RNF214: variants seen among roughly 807,000 people sequenced by gnomAD.
RNF214 encodes the protein ring finger protein 214.
A neutral mutation model predicts 75.9 loss-of-function variants in RNF214; 25 were observed. The ratio of observed to expected loss-of-function variants is 0.33; its 90% CI spans 0.24 to 0.46. The LOEUF (loss-of-function observed/expected upper bound fraction) is 0.46. Ranked by LOEUF, RNF214 falls within the 20% of genes least tolerant of loss-of-function variation. The pLI is 1.00. For missense variants in RNF214, 725 were observed against 857.5 expected, an observed-to-expected ratio of 0.85 and a Z score of 1.93; for synonymous variants, 314 against 308.8, an observed-to-expected ratio of 1.02 and a Z score of -0.18.
chr11:117,261,884 C>T (rs913017553), intron 6 of RNF214, among the ~76,000 whole-genome samples: 6 of 151,512 alleles, frequency 4.0e-5, no homozygotes, highest in Non-Finnish European at 8.8e-5. Flanking sequence ...GACCTCAAGC[C>T]GTCTGCCTGG....
At chr11:117,256,649 T>C (rs2033533766) in intron 6 of RNF214, among the ~76,000 whole-genome samples, 1 of 152,028 alleles carries the variant, frequency 6.6e-6, no homozygotes, top group South Asian at 2.1e-4. Context: ...AGCCCAGAGC[T>C]CTGAGTTCCA....
chr11:117,244,606 T>G (rs1284771604), intron 5 of RNF214, 21 bp downstream of exon 5: 20 of 1,578,196 alleles, frequency 1.3e-5, no homozygotes, highest in Non-Finnish European at 1.6e-5. Context: ...TATATTGAAA[T>G]TGTCAATGAG....
rs139503238 is a variant in RNF214 at position 117,234,318 on chromosome 11, C to T, written c.46C>T (p.Pro16Ser). ...TGGTGTTGTGGCCAATGCCCCCAGT[C>T]CTCCGGAATCTTCTAGTTTATGTGC... ...VAGVVANAPS[P>S]PESSSLCASK... The change falls in exon 2 of 15, where the codon CCT (proline) becomes TCT (serine). Residue 16 changes from proline (P) to serine (S), a missense_variant. By Grantham distance (74) the Pro-to-Ser change is moderately conservative. Transcript: ENST00000300650. 4,582 of 1,614,174 alleles carry T rather than the reference C, an allele frequency of 2.8e-3. 11 individuals carry two copies. Among genetic ancestry groups the T allele is most frequent in the Non-Finnish European group, 3.6e-3 (4,302 of 1,179,992 alleles).
chr11:117,282,294 C>T, intron 11 of RNF214, 24 bp downstream of exon 11: 1 of 1,579,596 alleles, frequency 6.3e-7, no homozygotes, highest in Admixed American at 1.8e-5. Context: ...AGGACTGATT[C>T]AGATGTCTCT....
At chr11:117,256,886 A>G (rs1330115791) in intron 6 of RNF214, among the ~76,000 whole-genome samples, 1 of 152,218 alleles carries the variant, frequency 6.6e-6, no homozygotes, top group Admixed American at 6.5e-5. Context: ...CTTAGTATAT[A>G]GTAATATCTT....
At chr11:117,252,670 G>C (rs1001390391) in intron 6 of RNF214, among the ~76,000 whole-genome samples, 2 of 151,246 alleles carry the variant, frequency 1.3e-5, no homozygotes, top group African/African-American at 4.9e-5. Flanking sequence ...ACATGTGCCT[G>C]CCACCACGCC....
intron 6 of RNF214, among the ~76,000 whole-genome samples, chr11:117,272,244 C>G (rs2033927155): frequency 6.6e-6 from 1 of 152,154 alleles, no homozygotes; most frequent in African/African-American, 2.4e-5. Context: ...AACCACCAAC[C>G]ACCACCTTGA....
At chr11:117,277,904 G>T (rs2034045586) in intron 6 of RNF214, among the ~76,000 whole-genome samples, 1 of 151,838 alleles carries the variant, frequency 6.6e-6, no homozygotes, top group African/African-American at 2.4e-5. Context: ...AACCTGAGAG[G>T]TGGAGGCTGC....
chr11:117,248,098 C>A (rs566363763), intron 6 of RNF214, among the ~76,000 whole-genome samples: 1 of 151,828 alleles, frequency 6.6e-6, no homozygotes, highest in African/African-American at 2.4e-5. Flanking sequence ...TTTTTTGAGA[C>A]GGAGTCTTGC....
At chr11:117,248,012 T>G (rs566124966) in intron 6 of RNF214, among the ~76,000 whole-genome samples, 1 of 152,322 alleles carries the variant, frequency 6.6e-6, no homozygotes, top group South Asian at 2.1e-4. Flanking sequence ...TGTGTCCTTT[T>G]CTGGGTACTG....
intron 6 of RNF214, among the ~76,000 whole-genome samples, chr11:117,269,597 A>G (rs2033866002): frequency 6.6e-6 from 1 of 152,288 alleles, no homozygotes; most frequent in Admixed American, 6.5e-5. Context: ...ACCTGAGCTC[A>G]AGCAATCCAC....
At chr11:117,282,904 G>C in intron 13 of RNF214, 54 bp downstream of exon 13, 1 of 1,415,608 alleles carries the variant, frequency 7.1e-7, no homozygotes, top group Non-Finnish European at 1.0e-6. Flanking sequence ...AGGTGAGGAA[G>C]GAGTGGGTTT....
intron 6 of RNF214, among the ~76,000 whole-genome samples, chr11:117,278,204 T>A (rs926518015): frequency 6.6e-6 from 1 of 152,056 alleles, no homozygotes; most frequent in Non-Finnish European, 1.5e-5. Flanking sequence ...CTCGGGAGGC[T>A]GAGGCAGGAG....
chr11:117,242,354 G>A (rs2033103388), intron 4 of RNF214, among the ~76,000 whole-genome samples: 1 of 152,128 alleles, frequency 6.6e-6, no homozygotes, highest in African/African-American at 2.4e-5. Context: ...AGGGCATACG[G>A]AAAAAAGTTA....
intron 6 of RNF214, among the ~76,000 whole-genome samples, chr11:117,278,325 C>T (rs1321004420): frequency 6.6e-6 from 1 of 152,106 alleles, no homozygotes; most frequent in African/African-American, 2.4e-5. Flanking sequence ...AAACATGTAA[C>T]TCTTCCCAAG....
intron 2 of RNF214, among the ~76,000 whole-genome samples, chr11:117,236,104 G>C (rs1460027642): frequency 6.6e-6 from 1 of 151,608 alleles, no homozygotes; most frequent in East Asian, 1.9e-4. Context: ...GGGATTATAG[G>C]CACCTGCTTG....
At chr11:117,271,192 G>T (rs982825624) in intron 6 of RNF214, among the ~76,000 whole-genome samples, 1 of 152,128 alleles carries the variant, frequency 6.6e-6, no homozygotes, top group African/African-American at 2.4e-5. Context: ...GAGTCACTTC[G>T]CCCAGCCAGT....
intron 2 of RNF214, among the ~76,000 whole-genome samples, chr11:117,235,763 T>C (rs1336221974): frequency 2.6e-5 from 4 of 152,280 alleles, no homozygotes; most frequent in Admixed American, 6.5e-5. Flanking sequence ...TTTTAAAAAA[T>C]GGACACGATA....
intron 2 of RNF214, among the ~76,000 whole-genome samples, chr11:117,235,060 A>G (rs937686789): frequency 2.3e-4 from 35 of 152,390 alleles, no homozygotes; most frequent in African/African-American, 8.2e-4. Context: ...ATTTACAACA[A>G]CTAATACAAT....
Sources: gnomAD v4.1 joint callset for allele counts (sites outside exome capture counted in the v4.1 genomes callset) on GRCh38, gnomAD v4.1.1 for gene constraint, MANE v1.5 for transcripts, NCBI Gene and HGNC (gene_info 2026-07-23, HGNC 2026-07-21) for gene names.